Variants in CTIF observed in about 807,000 individuals in gnomAD.
CTIF encodes cap binding complex dependent translation initiation factor.
A neutral mutation model predicts 66.0 loss-of-function variants in CTIF; 21 were observed. The observed-to-expected ratio is 0.32, with a 90% CI of 0.23 to 0.46. The LOEUF (loss-of-function observed/expected upper bound fraction) is 0.46, where lower values mean the gene tolerates loss of function less well. Among genes scored for constraint, CTIF ranks in the 20% least tolerant of loss-of-function variants. The pLI is 1.00. For missense variants in CTIF, 739 were observed against 812.7 expected (o/e 0.91, Z 1.10); for synonymous variants, 345 against 326.4 (o/e 1.06, Z -0.62).
At chr18:48,644,466 CAT>C (rs1241340270) in intron 3 of CTIF, among the ~76,000 whole-genome samples, 3 of 152,240 alleles carry the variant, frequency 2.0e-5, no homozygotes, top group Non-Finnish European at 4.4e-5. Context: ...CAGAAACAAA[CAT>C]GGCACAACCT....
At chr18:48,760,094 A>G (rs1908815249) in intron 8 of CTIF, 1 of 151,936 alleles carries the variant, frequency 6.6e-6, no homozygotes, top group Non-Finnish European at 1.5e-5. Flanking sequence ...AACTTTACCC[A>G]GGGACTCAGA....
intron 7 of CTIF, among the ~76,000 whole-genome samples, chr18:48,721,750 T>C (rs1383857360): frequency 2.0e-5 from 3 of 150,600 alleles, no homozygotes; most frequent in African/African-American, 7.4e-5. Flanking sequence ...AGAACGTGCA[T>C]CCCCCCCTCT....
At chr18:48,675,692 C>G (rs994365823) in intron 6 of CTIF, among the ~76,000 whole-genome samples, 2 of 152,022 alleles carry the variant, frequency 1.3e-5, no homozygotes, top group African/African-American at 2.4e-5. Context: ...AGGCATGACA[C>G]TCCTCCAGAG....
At chr18:48,679,787 T>G (rs2091707627) in intron 6 of CTIF, among the ~76,000 whole-genome samples, 1 of 152,184 alleles carries the variant, frequency 6.6e-6, no homozygotes, top group African/African-American at 2.4e-5. Flanking sequence ...ATTTTGAGGT[T>G]TTCCCCTTTT....
chr18:48,707,159 G>A (rs968355733), intron 6 of CTIF, among the ~76,000 whole-genome samples: 4 of 152,184 alleles, frequency 2.6e-5, no homozygotes, highest in Non-Finnish European at 4.4e-5. Context: ...TCTACATGGG[G>A]CCCTTTCAAA....
At chr18:48,656,663 C>T (rs1285155567) in intron 3 of CTIF, among the ~76,000 whole-genome samples, 2 of 152,192 alleles carry the variant, frequency 1.3e-5, no homozygotes, top group African/African-American at 2.4e-5. Flanking sequence ...CAGTATGGTG[C>T]ACCCTGGTAT....
At chr18:48,553,150 A>G (rs1384859065) in intron 1 of CTIF, among the ~76,000 whole-genome samples, 1 of 152,134 alleles carries the variant, frequency 6.6e-6, no homozygotes, top group Non-Finnish European at 1.5e-5. Context: ...CTCTTTGCAC[A>G]AGGTAGAAAT....
chr18:48,747,229 A>G (rs998652210), intron 7 of CTIF, among the ~76,000 whole-genome samples: 1 of 152,224 alleles, frequency 6.6e-6, no homozygotes, highest in Admixed American at 6.5e-5. Context: ...GTGGTTTTCA[A>G]TGAATCAAGA....
intron 10 of CTIF, among the ~76,000 whole-genome samples, chr18:48,844,492 C>G (rs986784832): frequency 5.9e-5 from 9 of 152,230 alleles, no homozygotes; most frequent in Non-Finnish European, 1.3e-4. Flanking sequence ...CATCCACTGT[C>G]GCTACTTTGT....
chr18:48,633,462 G>A (rs1020372227), intron 2 of CTIF, among the ~76,000 whole-genome samples: 4 of 152,160 alleles, frequency 2.6e-5, no homozygotes, highest in Non-Finnish European at 5.9e-5. Context: ...AGCACTGTGG[G>A]AAGCCAAGGT....
chr18:48,575,522 G>T (rs1229816957), intron 1 of CTIF, among the ~76,000 whole-genome samples: 1 of 152,234 alleles, frequency 6.6e-6, no homozygotes, highest in Non-Finnish European at 1.5e-5. Context: ...TTACAGCAGC[G>T]CACTGTGAGT....
At chr18:48,697,555 A>G (rs2092024751) in intron 6 of CTIF, among the ~76,000 whole-genome samples, 1 of 152,220 alleles carries the variant, frequency 6.6e-6, no homozygotes, top group South Asian at 2.1e-4. Context: ...ATGGCATGGC[A>G]GGTGCACAGG....
chr18:48,809,249 G>A (rs190903064), intron 9 of CTIF, among the ~76,000 whole-genome samples: 1 of 152,212 alleles, frequency 6.6e-6, no homozygotes, highest in East Asian at 1.9e-4. Flanking sequence ...ATTAGTCACT[G>A]AACTCTCTTG....
chr18:48,543,144 C>A (rs138519144), intron 1 of CTIF, among the ~76,000 whole-genome samples: 2 of 152,310 alleles, frequency 1.3e-5, no homozygotes, highest in East Asian at 3.9e-4. Context: ...GTTTTGGGCT[C>A]CATTGCCCTT....
At chr18:48,789,834 A>G (rs2067753711) in intron 9 of CTIF, among the ~76,000 whole-genome samples, 1 of 152,160 alleles carries the variant, frequency 6.6e-6, no homozygotes, top group South Asian at 2.1e-4. Context: ...ACTAGTGGGG[A>G]AGACTAATAA....
At chr18:48,769,141 C>T (rs11874703) in intron 9 of CTIF, among the ~76,000 whole-genome samples, 26,999 of 152,128 alleles carry the variant, frequency 0.18, 2,784 homozygotes, top group African/African-American at 0.28. Context: ...CTCAGACCCC[C>T]TCCCTCATTT....
rs1031078927 is a variant in CTIF, at chr18:48,670,427, A to G, written c.432-242A>G. On this transcript the variant is annotated intron_variant, in intron 5 of 11. Coordinates refer to ENST00000256413, the MANE Select transcript of CTIF (RefSeq NM_014772.3). The stretch of plus-strand genomic sequence containing the variant: ...TTAGCTTCTCTGCCTGGAAGGAGCA[A>G]GGGGAACTCTGGTTCCTCTCCCACC... Among the ~76,000 whole-genome samples the G allele has an allele frequency of 5.3e-5, 8 of 152,238 alleles. No individual in the cohort carries two copies. The East Asian group carries it at 9.7e-4, about 18-fold the overall frequency.
chr18:48,683,906 G>A (rs889774472), intron 6 of CTIF, among the ~76,000 whole-genome samples: 22 of 152,208 alleles, frequency 1.4e-4, no homozygotes, highest in African/African-American at 4.8e-4. Context: ...AGCTCTCATG[G>A]GGGCCCAGTT....
chr18:48,683,445 C>G (rs895990719), intron 6 of CTIF, among the ~76,000 whole-genome samples: 1 of 150,792 alleles, frequency 6.6e-6, no homozygotes. Flanking sequence ...ATTTCCTGCC[C>G]CCGAGCCTCA....
Sources: allele counts gnomAD v4.1 joint callset (sites outside exome capture counted in the v4.1 genomes callset), GRCh38; gene constraint gnomAD v4.1.1; transcripts MANE v1.5; gene names NCBI Gene and HGNC (gene_info 2026-07-23, HGNC 2026-07-21).